The following BBX variants were observed in gnomAD, a reference collection of about 807,000 sequenced individuals.
BBX encodes the protein HMG box transcription factor BBX.
A neutral mutation model predicts 100.2 loss-of-function variants in BBX; 30 were observed. The observed-to-expected ratio is 0.30, with a 90% CI of 0.22 to 0.41. The LOEUF is 0.41. Ranked by LOEUF, BBX falls within the 10% of genes least tolerant of loss-of-function variation. The probability of loss-of-function intolerance (pLI) is 1.00; values close to 1 mark genes in which losing one functional copy is unlikely to be tolerated. For missense variants in BBX, 1,023 were observed against 1,129.8 expected (o/e 0.91, Z 1.35); for synonymous variants, 376 against 388.1 (o/e 0.97, Z 0.37).
At chr3:107,580,861 C>G (rs2052226513) in intron 2 of BBX, among the ~76,000 whole-genome samples, 1 of 152,204 alleles carries the variant, frequency 6.6e-6, no homozygotes, top group Admixed American at 6.5e-5. Context: ...AAACTCCTGA[C>G]CTCAGGTGAT....
At chr3:107,633,349 C>A (rs1380895417) in intron 2 of BBX, among the ~76,000 whole-genome samples, 1 of 151,990 alleles carries the variant, frequency 6.6e-6, no homozygotes, top group Admixed American at 6.6e-5. Flanking sequence ...AAGTTCTGTA[C>A]TATCTTTAAA....
intron 2 of BBX, among the ~76,000 whole-genome samples, chr3:107,633,968 T>C (rs1325892744): frequency 2.6e-5 from 4 of 152,238 alleles, no homozygotes; most frequent in Non-Finnish European, 4.4e-5. Context: ...TAGCACCAGA[T>C]AGAGTGGGCT....
intron 2 of BBX, among the ~76,000 whole-genome samples, chr3:107,538,597 T>C (rs2107346882): frequency 6.6e-6 from 1 of 152,292 alleles, no homozygotes; most frequent in East Asian, 1.9e-4. Context: ...TTTTTTGATA[T>C]ACTATAATTT....
At chr3:107,658,866 C>T (rs2058289037) in intron 3 of BBX, among the ~76,000 whole-genome samples, 1 of 152,022 alleles carries the variant, frequency 6.6e-6, no homozygotes, top group South Asian at 2.1e-4. Context: ...TAAAAACAGA[C>T]CTGAGATTCA....
intron 3 of BBX, among the ~76,000 whole-genome samples, chr3:107,707,539 A>AT (rs1187345380): frequency 6.6e-6 from 1 of 152,226 alleles, no homozygotes. Flanking sequence ...CAATGGAGGT[A>AT]TGATGTATCT....
intron 1 of BBX, 115 bp downstream of exon 1, chr3:107,523,222 G>T: frequency 5.3e-6 from 1 of 188,800 alleles, no homozygotes; most frequent in Non-Finnish European, 1.1e-5. Flanking sequence ...AGGAGCAGCG[G>T]CGGCGGCGGC....
intron 3 of BBX, chr3:107,659,546 T>G (rs2058335692): frequency 3.2e-6 from 1 of 310,884 alleles, no homozygotes. Context: ...GGTAGGTGCT[T>G]CTTTTTCTTC....
At chr3:107,779,020 T>TATATATATATATATATATACAC (rs1449263925) in intron 13 of BBX, among the ~76,000 whole-genome samples, 4 of 95,816 alleles carry the variant, frequency 4.2e-5, no homozygotes, top group African/African-American at 1.6e-4. Flanking sequence ...TATATATATA[T>TATATATATATATATATATACAC]ACACACACAC....
intron 13 of BBX, among the ~76,000 whole-genome samples, chr3:107,780,356 T>C (rs1407855095): frequency 6.6e-6 from 1 of 152,104 alleles, no homozygotes; most frequent in African/African-American, 2.4e-5. Context: ...AATGTAACAA[T>C]AGATTTATTT....
chr3:107,722,584 C>T (rs1374605858), intron 5 of BBX, among the ~76,000 whole-genome samples: 1 of 151,952 alleles, frequency 6.6e-6, no homozygotes, highest in Non-Finnish European at 1.5e-5. Flanking sequence ...CACAACACAA[C>T]AAGCAAATAA....
At chr3:107,644,949 TTAAGC>T (rs1303379319) in intron 2 of BBX, among the ~76,000 whole-genome samples, 2 of 152,146 alleles carry the variant, frequency 1.3e-5, no homozygotes, top group African/African-American at 4.8e-5. Flanking sequence ...AAAAAAAAAC[TTAAGC>T]TAAGCCATAA....
At chr3:107,665,127 A>G (rs1433753851) in intron 3 of BBX, among the ~76,000 whole-genome samples, 1 of 152,182 alleles carries the variant, frequency 6.6e-6, no homozygotes, top group African/African-American at 2.4e-5. Context: ...TTTCCCAGGA[A>G]ATATACCAGG....
At chr3:107,705,665 C>T (rs2061350053) in intron 3 of BBX, among the ~76,000 whole-genome samples, 1 of 152,162 alleles carries the variant, frequency 6.6e-6, no homozygotes, top group Non-Finnish European at 1.5e-5. Context: ...CAGATGCTGC[C>T]TGTTAATCCC....
intron 11 of BBX, among the ~76,000 whole-genome samples, 168 bp from the exon 12 acceptor site, chr3:107,774,551 T>C (rs1375348268): frequency 6.6e-6 from 1 of 152,146 alleles, no homozygotes; most frequent in African/African-American, 2.4e-5. Context: ...GCATGTTCCA[T>C]TATTAAAGAT....
chr3:107,532,786 C>T (rs185073286), intron 2 of BBX, among the ~76,000 whole-genome samples: 235 of 152,284 alleles, frequency 1.5e-3, no homozygotes, highest in Middle Eastern at 0.01. Context: ...GTGACTTTGG[C>T]ATTTCCTAAT....
intron 10 of BBX, among the ~76,000 whole-genome samples, chr3:107,764,041 G>A (rs755309838): frequency 1.3e-5 from 2 of 152,162 alleles, no homozygotes; most frequent in Non-Finnish European, 2.9e-5. Flanking sequence ...CGCCCAGGCT[G>A]GAGTGCAGTG....
chr3:107,712,175 C>A (rs1238998544), intron 4 of BBX, among the ~76,000 whole-genome samples: 1 of 152,124 alleles, frequency 6.6e-6, no homozygotes, highest in Non-Finnish European at 1.5e-5. Context: ...CCATGTCTGG[C>A]CCCTCTTTCT....
chr3:107,627,723 A>G (rs2056287197), intron 2 of BBX, among the ~76,000 whole-genome samples: 1 of 151,924 alleles, frequency 6.6e-6, no homozygotes, highest in Non-Finnish European at 1.5e-5. Context: ...TGATATAGGT[A>G]TGGTTTCCTT....
intron 2 of BBX, among the ~76,000 whole-genome samples, chr3:107,576,798 G>T (rs7639376): frequency 6.6e-6 from 1 of 151,914 alleles, no homozygotes; most frequent in African/African-American, 2.4e-5. Context: ...TGACCAAAAC[G>T]CACTATTTTT....
Sources: gnomAD v4.1 joint callset for allele counts (sites outside exome capture counted in the v4.1 genomes callset) on GRCh38, gnomAD v4.1.1 for gene constraint, MANE v1.5 for transcripts, NCBI Gene and HGNC (gene_info 2026-07-23, HGNC 2026-07-21) for gene names.